GCLC: variants seen among roughly 807,000 people sequenced by gnomAD.
GCLC encodes glutamate-cysteine ligase catalytic subunit.
GCLC carries 30 observed loss-of-function variants against 81.5 expected under a neutral mutation model. That is an observed-to-expected ratio of 0.37 (90% CI 0.28 to 0.50). The LOEUF (loss-of-function observed/expected upper bound fraction) is 0.50. Among genes scored for constraint, GCLC ranks in the 20% least tolerant of loss-of-function variants. The pLI, the probability that GCLC is intolerant of heterozygous loss-of-function variation, is 0.96. For synonymous variants in GCLC, 262 were observed against 273.3 expected (o/e 0.96, Z 0.41); for missense variants, 556 against 777.4 (o/e 0.72, Z 3.39).
intron 1 of GCLC, among the ~76,000 whole-genome samples, chr6:53,540,204 C>G (rs954841643): frequency 9.2e-5 from 14 of 151,938 alleles, no homozygotes; most frequent in Non-Finnish European, 1.0e-4. Context: ...GAGATATTAG[C>G]ACTCCAATGT....
At chr6:53,525,229 A>C (rs191291217) in intron 1 of GCLC, among the ~76,000 whole-genome samples, 14 of 152,300 alleles carry the variant, frequency 9.2e-5, no homozygotes, top group African/African-American at 2.9e-4. Context: ...GAGGTTCTTC[A>C]AACTTTTAGC....
At position 53,498,738 on chromosome 6, in the gene GCLC, T is replaced by C; in HGVS notation, c.*18A>G. On this transcript the variant is annotated 3_prime_UTR_variant, in exon 16 of 16. Transcript: ENST00000650454. ...GTAGCCAGTTCGTCAATAATGCATT[T>C]TTCTTTCTGTAGAATGTCTAGTTGG... 3 of 1,517,480 alleles carry C rather than the reference T, an allele frequency of 2.0e-6. No homozygotes were observed. The highest frequency in any genetic ancestry group is 2.7e-6 in the Non-Finnish European group (3 of 1,093,192). 94.0% of individuals were successfully genotyped at this position (1,517,480 alleles called of 1,614,324 possible). A position where few individuals can be genotyped will look rare whatever the true frequency, so the allele number is the denominator to read the frequency against.
rs1340448534 is a variant in GCLC at position 53,509,155 on chromosome 6, TA to T, written c.828+20del. The T allele has an allele frequency of 1.5e-6, 2 of 1,365,984 alleles. No homozygotes were observed. Among genetic ancestry groups the T allele is most frequent in the South Asian group, 2.3e-5 (2 of 86,306 alleles). The allele number at this position is 1,365,984 out of a possible 1,614,324, so 84.6% of individuals were successfully genotyped here. ...ATTTCATACGAAGTAGTATTTAAAA[TA>T]AGAGGTAATTTCTACTTACAACAAT... On this transcript the variant is annotated intron_variant, in intron 7 of 15. Transcript: ENST00000650454.
intron 1 of GCLC, among the ~76,000 whole-genome samples, chr6:53,533,724 G>A (rs1350435118): frequency 9.2e-6 from 1 of 108,372 alleles, no homozygotes; most frequent in African/African-American, 3.6e-5. Flanking sequence ...AACACCAAAT[G>A]ATAGGGTTTT....
Position 53,498,781 on chromosome 6 carries a change from C to T in GCLC, c.1889G>A (p.Gly630Glu), listed in dbSNP as rs1348341923. 1.2e-6 allele frequency: 2 copies of T among 1,610,960 alleles called. No individual in the cohort carries two copies. Among genetic ancestry groups the T allele is most frequent in the Admixed American group, 1.7e-5 (1 of 60,018 alleles). Residue 630 changes from glycine (G) to glutamate (E), a missense_variant, in exon 16 of 16, where the codon GGA (glycine) becomes GAA (glutamate). This residue lies in a region of GCLC where 313 missense variants were observed against 437.3 expected (regional missense o/e 0.72). Coordinates refer to ENST00000650454, the MANE Select transcript of GCLC (RefSeq NM_001498.4). ...GSAFRKVKYSGSKTDSSN is the reference protein window; with the variant it reads ...GSAFRKVKYSESKTDSSN ...CTAGTTGGATGAGTCAGTTTTACTT[C>T]CACTATATTTTACTTTCCTAAATGC...
rs2127633372 is a variant in GCLC, at chr6:53,544,977, G to A, written c.-332C>T. The A allele has an allele frequency of 1.0e-5, 2 of 193,216 alleles. No homozygotes were observed. Among genetic ancestry groups the A allele is most frequent in the Admixed American group, 6.1e-5 (1 of 16,312 alleles). The allele number at this position is 193,216 out of a possible 1,614,324, so 12.0% of individuals were successfully genotyped here. On this transcript the variant is annotated 5_prime_UTR_variant, in exon 1 of 16. Coordinates refer to ENST00000650454, the MANE Select transcript of GCLC (RefSeq NM_001498.4). ...TGCGGCGGCGGCGGACCCCACGGCC[G>A]CGCTGCCGCGGCGGCTCCCGCTTCT...
intron 1 of GCLC, among the ~76,000 whole-genome samples, chr6:53,533,797 C>CTTT (rs558357229): frequency 8.5e-5 from 12 of 141,874 alleles, no homozygotes; most frequent in South Asian, 2.2e-4. Flanking sequence ...TTTTTCTTTT[C>CTTT]TTTTTTTTTT....
Position 53,509,253 on chromosome 6 carries a change from G to A in GCLC, c.754-3C>T, listed in dbSNP as rs990174585. ...ATACTGCAGGCTTGGAATGTCACCT[G>A]TTTAAGAATTGCAAAGTTATTAACA... is the stretch of plus-strand genomic sequence containing the variant. On this transcript the variant is annotated splice_polypyrimidine_tract_variant and splice_region_variant and intron_variant, in intron 6 of 15. Coordinates refer to ENST00000650454, the MANE Select transcript of GCLC (RefSeq NM_001498.4). The A allele has an allele frequency of 1.1e-5, 17 of 1,584,532 alleles. No homozygotes were observed. The highest frequency in any genetic ancestry group is 1.4e-5 in the Non-Finnish European group (16 of 1,153,108).
Position 53,506,111 on chromosome 6 carries a change from C to T in GCLC, c.1198-216G>A. 2.0e-6 allele frequency: 1 copy of T among 510,396 alleles called. No homozygotes were observed. Among genetic ancestry groups the T allele is most frequent in the Non-Finnish European group, 3.6e-6 (1 of 278,954 alleles). The allele number at this position is 510,396 out of a possible 1,614,324, so 31.6% of individuals were successfully genotyped here. A position where few individuals can be genotyped will look rare whatever the true frequency, so the allele number is the denominator to read the frequency against. The stretch of plus-strand genomic sequence containing the variant: ...TAACAAAAGCTATGAGGCCCTATCA[C>T]TGCAAGCTTAATCTCACCCAGCTCC... On this transcript the variant is annotated intron_variant, in intron 10 of 15. Transcript: ENST00000650454. This position sits in a 1 kb window ranked among gnomAD's most constrained non-coding sequence, Gnocchi z 4.0.
chr6:53,540,096 A>C (rs1159550954), intron 1 of GCLC, among the ~76,000 whole-genome samples: 1 of 152,246 alleles, frequency 6.6e-6, no homozygotes, highest in Non-Finnish European at 1.5e-5. Context: ...TCCTCAGAAG[A>C]TAACTCAGAA....
At chr6:53,522,224 A>G (rs1763012100) in intron 2 of GCLC, among the ~76,000 whole-genome samples, 191 bp downstream of exon 2, 1 of 152,222 alleles carries the variant, frequency 6.6e-6, no homozygotes, top group Non-Finnish European at 1.5e-5. Context: ...AGGCACAGAA[A>G]AGTTAAGTAA....
chr6:53,505,587 C>T, intron 11 of GCLC, 91 bp from the exon 12 acceptor site: 1 of 794,176 alleles, frequency 1.3e-6, no homozygotes, highest in Non-Finnish European at 2.2e-6. Context: ...ATGTCATTCC[C>T]AAGCCATCTC....
At chr6:53,529,597 G>GT (rs1446437422) in intron 1 of GCLC, among the ~76,000 whole-genome samples, 1 of 152,214 alleles carries the variant, frequency 6.6e-6, no homozygotes, top group Non-Finnish European at 1.5e-5. Flanking sequence ...AACATTGTAA[G>GT]TATGAATAGT....
At chr6:53,539,376 G>C (rs1218171530) in intron 1 of GCLC, among the ~76,000 whole-genome samples, 1 of 152,162 alleles carries the variant, frequency 6.6e-6, no homozygotes, top group East Asian at 1.9e-4. Context: ...GGCATCTGTA[G>C]GCTGATCTTG....
At chr6:53,514,146 A>C (rs1764812141) in intron 6 of GCLC, 58 bp downstream of exon 6, 2 of 1,540,658 alleles carry the variant, frequency 1.3e-6, no homozygotes, top group Admixed American at 3.3e-5. Context: ...ATATATAAAG[A>C]AGTTAAAAAA....
chr6:53,530,237 A>G (rs989064320), intron 1 of GCLC, among the ~76,000 whole-genome samples: 1 of 152,214 alleles, frequency 6.6e-6, no homozygotes, highest in Non-Finnish European at 1.5e-5. Flanking sequence ...GTTTAATGCC[A>G]TTCCACCATC....
In GCLC at chr6:53,514,401, T is replaced by C. The variant is rs746698063; in HGVS notation, c.619+38A>G. 4.4e-6 allele frequency: 7 copies of C among 1,593,310 alleles called. No individual in the cohort carries two copies. In the East Asian group the frequency reaches 6.7e-5, roughly 15 times the overall value. ...TCCAGGATTAAACAACAATACAACATGTCTCTCTCCCACCCCACCACCTCT... is the reference window on the plus strand; with the variant it reads ...TCCAGGATTAAACAACAATACAACACGTCTCTCTCCCACCCCACCACCTCT... On this transcript the variant is annotated intron_variant, in intron 5 of 15. Transcript: ENST00000650454.
intron 1 of GCLC, among the ~76,000 whole-genome samples, chr6:53,539,345 T>C (rs927556794): frequency 6.6e-6 from 1 of 152,200 alleles, no homozygotes; most frequent in Non-Finnish European, 1.5e-5. Flanking sequence ...AGTTAGGACC[T>C]GTCATATTAA....
At chr6:53,534,087 G>A (rs973565680) in intron 1 of GCLC, among the ~76,000 whole-genome samples, 12 of 152,182 alleles carry the variant, frequency 7.9e-5, no homozygotes, top group Admixed American at 4.6e-4. Context: ...GAACCATCAC[G>A]CCCAGTCTTT....
Sources: gnomAD v4.1 joint callset for allele counts (sites outside exome capture counted in the v4.1 genomes callset) on GRCh38, gnomAD v4.1.1 for gene constraint, gnomAD v4.1.1 regional missense constraint, Gnocchi (gnomAD v3.1) non-coding constraint, MANE v1.5 for transcripts, NCBI Gene and HGNC (gene_info 2026-07-23, HGNC 2026-07-21) for gene names.